KBTBD2: variants seen among roughly 807,000 people sequenced by gnomAD.
The protein encoded by KBTBD2 is kelch repeat and BTB domain-containing protein 2.
In KBTBD2, 17 loss-of-function variants were observed where a neutral mutation model predicts 57.1. The ratio of observed to expected loss-of-function variants is 0.30; its 90% confidence interval spans 0.20 to 0.45. The LOEUF (loss-of-function observed/expected upper bound fraction) is 0.45, where lower values mean the gene tolerates loss of function less well. Among genes scored for constraint, KBTBD2 ranks in the 20% least tolerant of loss-of-function variants. The pLI is 1.00. For missense variants in KBTBD2, 515 were observed against 750.6 expected (o/e 0.69, Z 3.67); for synonymous variants, 267 against 262.7 (o/e 1.02, Z -0.16).
chr7:32,870,286 C>T lies in KBTBD2; in HGVS notation c.931G>A (p.Val311Ile), dbSNP rs770862800. The part of the protein sequence containing the change: ...PPADLHKVGT[V>I]VTPDNDIYIA... ...TAGATATCATTATCAGGAGTTACAACGGTCCCAACCTTATGCAAATCAGCT... is the reference window on the plus strand; with the variant it reads ...TAGATATCATTATCAGGAGTTACAATGGTCCCAACCTTATGCAAATCAGCT... Residue 311 changes from valine to isoleucine, a missense_variant, in exon 4 of 4, where the codon GTT becomes ATT. Val to Ile is a conservative substitution (Grantham distance 29). Coordinates refer to ENST00000304056, the MANE Select transcript of KBTBD2 (RefSeq NM_015483.3). 18 of 1,614,018 alleles carry T rather than the reference C, an allele frequency of 1.1e-5. No homozygotes were observed. The highest frequency in any genetic ancestry group is 3.3e-5 in the Admixed American group (2 of 60,004).
intron 2 of KBTBD2, among the ~76,000 whole-genome samples, chr7:32,876,057 C>A (rs1784304842): frequency 6.6e-6 from 1 of 152,030 alleles, no homozygotes; most frequent in Admixed American, 6.6e-5. Context: ...GTTAAAAATT[C>A]ATTTACTCAA....
At chr7:32,877,520 G>C (rs1194505575) in intron 2 of KBTBD2, among the ~76,000 whole-genome samples, 1 of 152,150 alleles carries the variant, frequency 6.6e-6, no homozygotes, top group Non-Finnish European at 1.5e-5. Context: ...TACAAAGGAA[G>C]AATGTATTTA....
chr7:32,884,400 A>G (rs933304888), intron 1 of KBTBD2, among the ~76,000 whole-genome samples: 1 of 149,226 alleles, frequency 6.7e-6, no homozygotes, highest in East Asian at 2.0e-4. Flanking sequence ...TAAAAAAAAA[A>G]AAAAAAAGGC....
intron 3 of KBTBD2, 79 bp from the exon 4 acceptor site, chr7:32,870,959 A>T (rs1784163747): frequency 1.3e-6 from 1 of 761,718 alleles, no homozygotes; most frequent in African/African-American, 1.8e-5. Flanking sequence ...ACGTAAGTAT[A>T]TTAATCAGAT....
At position 32,869,336 on chromosome 7, in the gene KBTBD2, A is replaced by ACTTCCCCACT; in HGVS notation, c.1871_*8dup. The stretch of plus-strand genomic sequence containing the variant: ...CATAACTCAGGCGTGCACTCCCTGA[A>ACTTCCCCACT]CTTCCCCACTATACAGGTGGTAGTG... On this transcript the variant is annotated 3_prime_UTR_variant, in exon 4 of 4. Coordinates refer to ENST00000304056, the MANE Select transcript of KBTBD2 (RefSeq NM_015483.3). 6.3e-7 allele frequency: 1 copy of ACTTCCCCACT among 1,580,968 alleles called. No homozygotes were observed. The highest frequency in any genetic ancestry group is 8.6e-7 in the Non-Finnish European group (1 of 1,160,656).
At chr7:32,872,995 T>C (rs1443585385) in intron 3 of KBTBD2, among the ~76,000 whole-genome samples, 1 of 152,214 alleles carries the variant, frequency 6.6e-6, no homozygotes, top group Non-Finnish European at 1.5e-5. Flanking sequence ...GGTGTTGGCA[T>C]TCAACCAGTG....
At chr7:32,884,301 C>T (rs1174966846) in intron 1 of KBTBD2, among the ~76,000 whole-genome samples, 1 of 151,500 alleles carries the variant, frequency 6.6e-6, no homozygotes, top group Non-Finnish European at 1.5e-5. Context: ...TACCTTGAGG[C>T]CAAGAGTTCA....
At chr7:32,879,154 A>G (rs1359260415) in intron 2 of KBTBD2, among the ~76,000 whole-genome samples, 1 of 121,644 alleles carries the variant, frequency 8.2e-6, no homozygotes, top group African/African-American at 4.1e-5. Context: ...AAATTATCCC[A>G]TTTTTCTTTC....
intron 1 of KBTBD2, among the ~76,000 whole-genome samples, chr7:32,882,136 T>C (rs1423220272): frequency 2.6e-5 from 4 of 152,174 alleles, no homozygotes; most frequent in African/African-American, 9.7e-5. Context: ...GTATTAATAA[T>C]ACTTGGCACT....
Position 32,879,690 on chromosome 7 carries a change from G to A in KBTBD2, c.-86C>T. Reference sequence around the variant, plus strand: ...GTCAAGTGAATACTTCAGAAATAAAGGAGAACCTACTTGCTGTTATCTGCA... The same window carrying A: ...GTCAAGTGAATACTTCAGAAATAAAAGAGAACCTACTTGCTGTTATCTGCA... On this transcript the variant is annotated 5_prime_UTR_variant, in exon 2 of 4. Transcript: ENST00000304056. The A allele has an allele frequency of 9.2e-7, 1 of 1,088,142 alleles. No individual in the cohort carries two copies. Among genetic ancestry groups the A allele is most frequent in the Non-Finnish European group, 1.4e-6 (1 of 739,168 alleles). 67.4% of individuals were successfully genotyped at this position (1,088,142 alleles called of 1,614,324 possible). A position where few individuals can be genotyped will look rare whatever the true frequency, so the allele number is the denominator to read the frequency against.
At chr7:32,889,244 T>C (rs1275590290) in intron 1 of KBTBD2, among the ~76,000 whole-genome samples, 4 of 150,182 alleles carry the variant, frequency 2.7e-5, no homozygotes, top group African/African-American at 9.9e-5. Context: ...TGAGCCAAGA[T>C]CGCGCCACCG....
At position 32,869,963 on chromosome 7, in the gene KBTBD2, A is replaced by G; in HGVS notation, c.1254T>C (p.Ala418=). The change falls in exon 4 of 4, where the codon GCT becomes GCC. Residue 418 remains alanine, a synonymous_variant. Coordinates refer to ENST00000304056, the MANE Select transcript of KBTBD2 (RefSeq NM_015483.3). ...CCACAACTGCTGCACTCCATTGCCAAGCACAAGGTAAAGGGCTTACCATCG... is the reference window on the plus strand; with the variant it reads ...CCACAACTGCTGCACTCCATTGCCAGGCACAAGGTAAAGGGCTTACCATCG... ...EWTMVSPLPC[A]WQWSAAVVVH... 1 of 1,614,152 alleles carries G rather than the reference A, an allele frequency of 6.2e-7. No individual in the cohort carries two copies. The highest frequency in any genetic ancestry group is 1.1e-5 in the South Asian group (1 of 91,084).
chr7:32,873,690 T>TGCC (rs1226260888), intron 3 of KBTBD2, among the ~76,000 whole-genome samples: 1 of 152,148 alleles, frequency 6.6e-6, no homozygotes, highest in Non-Finnish European at 1.5e-5. Context: ...GCCAAGATTG[T>TGCC]GCCAGTGCAC....
At chr7:32,885,018 A>G (rs1421743933) in intron 1 of KBTBD2, among the ~76,000 whole-genome samples, 2 of 98,146 alleles carry the variant, frequency 2.0e-5, no homozygotes, top group Non-Finnish European at 4.8e-5. Context: ...ATATATATAT[A>G]CACACACATA....
In KBTBD2 at chr7:32,891,606, C is replaced by G. The variant is rs1437980552; in HGVS notation, c.-409G>C. ...CCCCGTCCACACTGGGCCCCTCCGG[C>G]GCGGCGGCGGGGGCGTGGCCCTCCC... On this transcript the variant is annotated 5_prime_UTR_variant, in exon 1 of 4. Transcript: ENST00000304056. 1.3e-5 allele frequency: 2 copies of G among 149,648 alleles called. No individual in the cohort carries two copies. Among genetic ancestry groups the G allele is most frequent in the African/African-American group, 2.4e-5 (1 of 40,942 alleles). The allele number at this position is 149,648 out of a possible 1,614,324, so 9.3% of individuals were successfully genotyped here.
chr7:32,886,719 G>A (rs1222719189), intron 1 of KBTBD2, among the ~76,000 whole-genome samples: 2 of 152,126 alleles, frequency 1.3e-5, no homozygotes, highest in Non-Finnish European at 2.9e-5. Context: ...TTAAAAAGGT[G>A]TTTAACTTCT....
chr7:32,872,167 G>A (rs1383455814), intron 3 of KBTBD2, among the ~76,000 whole-genome samples: 1 of 151,942 alleles, frequency 6.6e-6, no homozygotes, highest in Admixed American at 6.6e-5. Context: ...GCCACTGCAT[G>A]GTGGCATGCC....
At chr7:32,883,498 A>C (rs1384059057) in intron 1 of KBTBD2, among the ~76,000 whole-genome samples, 1 of 152,222 alleles carries the variant, frequency 6.6e-6, no homozygotes, top group Non-Finnish European at 1.5e-5. Flanking sequence ...TCCCTCCTAA[A>C]ACTTGAAACC....
chr7:32,871,566 A>C (rs1203802819), intron 3 of KBTBD2, among the ~76,000 whole-genome samples: 2 of 152,212 alleles, frequency 1.3e-5, no homozygotes, highest in Non-Finnish European at 2.9e-5. Flanking sequence ...GTTTACACTG[A>C]CAAGTCAGGT....
Sources: gnomAD v4.1 joint callset for allele counts (sites outside exome capture counted in the v4.1 genomes callset) on GRCh38, gnomAD v4.1.1 for gene constraint, MANE v1.5 for transcripts, NCBI Gene and HGNC (gene_info 2026-07-23, HGNC 2026-07-21) for gene names.